The following ACSS1 variants were observed in gnomAD, a reference collection of about 807,000 sequenced individuals.
ACSS1 encodes the protein acyl-CoA synthetase short chain family member 1, also known as acetyl-coenzyme A synthetase 2-like, mitochondrial.
A neutral mutation model predicts 75.3 loss-of-function variants in ACSS1; 42 were observed. That is an observed-to-expected ratio of 0.56 (90% CI 0.44 to 0.72). The LOEUF (loss-of-function observed/expected upper bound fraction) is 0.72, where lower values mean the gene tolerates loss of function less well. Among genes scored for constraint, ACSS1 ranks in the 30% least tolerant of loss-of-function variants. The pLI, the probability that ACSS1 is intolerant of heterozygous loss-of-function variation, is 0.00. For synonymous variants in ACSS1, 380 were observed against 376.8 expected (o/e 1.01, Z -0.10); for missense variants, 782 against 935.7 (o/e 0.84, Z 2.14).
intron 2 of ACSS1, among the ~76,000 whole-genome samples, chr20:25,047,178 C>A (rs1471261616): frequency 1.3e-5 from 2 of 152,202 alleles, no homozygotes; most frequent in Non-Finnish European, 2.9e-5. Flanking sequence ...CCAGGTCACC[C>A]GAGTGGCAGG....
chr20:25,048,302 A>G, intron 1 of ACSS1, 121 bp from the exon 2 acceptor site: 1 of 736,594 alleles, frequency 1.4e-6, no homozygotes, highest in Non-Finnish European at 2.3e-6. Flanking sequence ...ACTGACAGAG[A>G]CCCTGTCCTC....
In ACSS1 at chr20:25,058,054, G is replaced by T; in HGVS notation, c.49C>A (p.Leu17Met). ...GRGVGRLLGS[L>M]RGLSGQPARP... The stretch of plus-strand genomic sequence containing the variant: ...GCGGGCTGCCCCGAGAGCCCTCGCA[G>T]GCTGCCCAGCAGCCTCCCGACGCCG... The change falls in exon 1 of 14, where the codon CTG (leucine) becomes ATG (methionine). Residue 17 changes from leucine (L) to methionine (M), a missense_variant. Coordinates refer to ENST00000323482, the MANE Select transcript of ACSS1 (RefSeq NM_032501.4). 7.5e-7 allele frequency: 1 copy of T among 1,328,728 alleles called. No individual in the cohort carries two copies. Among genetic ancestry groups the T allele is most frequent in the South Asian group, 2.0e-5 (1 of 48,998 alleles). 82.3% of individuals were successfully genotyped at this position (1,328,728 alleles called of 1,614,324 possible). A position where few individuals can be genotyped will look rare whatever the true frequency, so the allele number is the denominator to read the frequency against.
Position 25,006,655 on chromosome 20 carries a change from C to T in ACSS1, c.*1107G>A. The T allele has an allele frequency of 1.4e-6, 1 of 716,396 alleles. No homozygotes were observed. The highest frequency in any genetic ancestry group is 2.9e-5 in the East Asian group (1 of 34,060). The allele number at this position is 716,396 out of a possible 1,614,324, so 44.4% of individuals were successfully genotyped here. A position where few individuals can be genotyped will look rare whatever the true frequency, so the allele number is the denominator to read the frequency against. On this transcript the variant is annotated 3_prime_UTR_variant, in exon 14 of 14. Coordinates refer to ENST00000323482, the MANE Select transcript of ACSS1 (RefSeq NM_032501.4). The stretch of plus-strand genomic sequence containing the variant: ...CTCCTTCCCCTGCCAACCGCCAGCC[C>T]CTGCATGCCTAGCAGGGAGGTAAGC...
intron 1 of ACSS1, among the ~76,000 whole-genome samples, chr20:25,049,880 G>A (rs1232658588): frequency 6.6e-6 from 1 of 152,062 alleles, no homozygotes; most frequent in East Asian, 1.9e-4. Context: ...TTCTTCACCA[G>A]GCGGTGAAGA....
At position 25,007,968 on chromosome 20, in the gene ACSS1, A is replaced by G. The variant is rs376793920; in HGVS notation, c.1891-27T>C. 7 of 1,610,540 alleles carry G rather than the reference A, an allele frequency of 4.3e-6. No homozygotes were observed. The African/African-American group carries it at 6.7e-5, about 15-fold the overall frequency. ...TGGCAAGGAACAGGCACAGTGTTAGAGCGTGGATGGTGCCCAGCCTCTGTG... is the reference window on the plus strand; with the variant it reads ...TGGCAAGGAACAGGCACAGTGTTAGGGCGTGGATGGTGCCCAGCCTCTGTG... On this transcript the variant is annotated intron_variant, in intron 13 of 13. Transcript: ENST00000323482.
intron 2 of ACSS1, chr20:25,032,783 A>G: frequency 1.2e-5 from 10 of 847,660 alleles, no homozygotes; most frequent in Non-Finnish European, 1.4e-5. Flanking sequence ...CATCACAGGC[A>G]GGGGCCTCAA....
intron 10 of ACSS1, among the ~76,000 whole-genome samples, chr20:25,013,190 G>A (rs866259252): frequency 8.3e-4 from 126 of 152,196 alleles, no homozygotes; most frequent in African/African-American, 2.8e-3. Context: ...TCTTGTTTAC[G>A]ACAAAAAGGG....
intron 2 of ACSS1, among the ~76,000 whole-genome samples, chr20:25,042,477 C>A (rs1306474550): frequency 6.6e-6 from 1 of 152,190 alleles, no homozygotes; most frequent in Non-Finnish European, 1.5e-5. Context: ...ACAGACCACA[C>A]CGAGTTTGCC....
intron 2 of ACSS1, among the ~76,000 whole-genome samples, chr20:25,045,497 A>G (rs1222570177): frequency 6.6e-6 from 1 of 152,142 alleles, no homozygotes; most frequent in Admixed American, 6.5e-5. Flanking sequence ...AGACTTCCTC[A>G]CACCCTGCAA....
intron 2 of ACSS1, among the ~76,000 whole-genome samples, chr20:25,039,784 G>A (rs1308444783): frequency 6.6e-6 from 1 of 152,272 alleles, no homozygotes; most frequent in East Asian, 1.9e-4. Flanking sequence ...CCTCATTCCT[G>A]TTAACGCCTG....
At chr20:25,041,818 A>G (rs1260972311) in intron 2 of ACSS1, among the ~76,000 whole-genome samples, 1 of 152,268 alleles carries the variant, frequency 6.6e-6, no homozygotes, top group Non-Finnish European at 1.5e-5. Flanking sequence ...GGTGAAGACC[A>G]GAGCCTGTTA....
At chr20:25,048,611 G>A (rs1055260735) in intron 1 of ACSS1, among the ~76,000 whole-genome samples, 2 of 152,198 alleles carry the variant, frequency 1.3e-5, no homozygotes, top group Admixed American at 6.5e-5. Flanking sequence ...TTCAGGGCTT[G>A]GCTCCTGCAG....
At chr20:25,048,244 G>T in intron 1 of ACSS1, 63 bp from the exon 2 acceptor site, 3 of 1,463,748 alleles carry the variant, frequency 2.0e-6, no homozygotes, top group Non-Finnish European at 2.8e-6. Context: ...ATTCGGCCAG[G>T]TTGAGGGGTT....
chr20:25,024,200 A>G (rs1354732161), intron 3 of ACSS1, among the ~76,000 whole-genome samples: 1 of 152,150 alleles, frequency 6.6e-6, no homozygotes, highest in Non-Finnish European at 1.5e-5. Flanking sequence ...CCTTCAGGAG[A>G]AGGCCCTCCT....
Position 25,033,408 on chromosome 20 carries a change from GAGAAAC to G in ACSS1, c.432-2456_432-2451del, listed in dbSNP as rs1284728156. On this transcript the variant is annotated intron_variant, in intron 2 of 13. Coordinates refer to ENST00000323482, the MANE Select transcript of ACSS1 (RefSeq NM_032501.4). Reference sequence around the variant, plus strand: ...TTTCTGAGCTGCCATGTGACCATCTGAGAAACAGCAAGCACCCTCCACCTTGTACAG... The same window carrying G: ...TTTCTGAGCTGCCATGTGACCATCTGAGCAAGCACCCTCCACCTTGTACAG... 3.3e-5 allele frequency among the ~76,000 whole-genome samples: 5 copies of G among 152,160 alleles called. No homozygotes were observed. In the South Asian group the frequency reaches 1.0e-3, roughly 31 times the overall value.
At chr20:25,016,092 C>T (rs562503464) in intron 7 of ACSS1, among the ~76,000 whole-genome samples, 2 of 152,296 alleles carry the variant, frequency 1.3e-5, no homozygotes, top group African/African-American at 4.8e-5. Context: ...TGCAGAGGAA[C>T]GCCACATTGC....
At chr20:25,019,222 G>A (rs2088573544) in intron 7 of ACSS1, among the ~76,000 whole-genome samples, 2 of 152,228 alleles carry the variant, frequency 1.3e-5, no homozygotes, top group Admixed American at 6.5e-5. Context: ...GACATGAAAT[G>A]TGGCAGGGAC....
chr20:25,020,185 T>C (rs2088596310), intron 6 of ACSS1, 38 bp from the exon 7 acceptor site: 1 of 1,612,720 alleles, frequency 6.2e-7, no homozygotes. Flanking sequence ...GCAGGAGAGC[T>C]GACATGGTTT....
At chr20:25,028,975 A>G (rs1044708635) in intron 3 of ACSS1, among the ~76,000 whole-genome samples, 2 of 152,198 alleles carry the variant, frequency 1.3e-5, no homozygotes, top group Non-Finnish European at 2.9e-5. Context: ...AGATTTGGCA[A>G]TGTTTTCTCA....
Sources: allele counts gnomAD v4.1 joint callset (sites outside exome capture counted in the v4.1 genomes callset), GRCh38; gene constraint gnomAD v4.1.1; transcripts MANE v1.5; gene names NCBI Gene and HGNC (gene_info 2026-07-23, HGNC 2026-07-21).